Variants in BBS9 observed in about 807,000 individuals in gnomAD.
The protein encoded by BBS9 is protein PTHB1.
A neutral mutation model predicts 117.7 loss-of-function variants in BBS9; 89 were observed. The observed-to-expected ratio is 0.76, with a 90% confidence interval of 0.64 to 0.90. The LOEUF (loss-of-function observed/expected upper bound fraction) is 0.90. BBS9 is among the 40% of genes least tolerant of loss of function. The pLI is 0.00. For missense variants in BBS9, 982 were observed against 1,042.2 expected, an observed-to-expected ratio of 0.94 and a Z score of 0.80; for synonymous variants, 379 against 370.9, an observed-to-expected ratio of 1.02 and a Z score of -0.25.
At chr7:33,196,549 C>G (rs531374555) in intron 5 of BBS9, among the ~76,000 whole-genome samples, 4 of 152,236 alleles carry the variant, frequency 2.6e-5, no homozygotes, top group Admixed American at 6.5e-5. Context: ...TTTGATAGCC[C>G]TTGTCTCACC....
At chr7:33,176,981 G>T (rs2128161212) in intron 4 of BBS9, among the ~76,000 whole-genome samples, 1 of 152,268 alleles carries the variant, frequency 6.6e-6, no homozygotes, top group South Asian at 2.1e-4. Flanking sequence ...TTTACTTGTT[G>T]AGGGAAGCTT....
intron 1 of BBS9, among the ~76,000 whole-genome samples, chr7:33,135,212 C>T (rs1413557031): frequency 6.6e-6 from 1 of 152,116 alleles, no homozygotes. Context: ...TTTTATTGCT[C>T]ACGTTTCTGG....
chr7:33,527,615 G>T (rs572930815), intron 20 of BBS9, among the ~76,000 whole-genome samples: 4 of 152,274 alleles, frequency 2.6e-5, no homozygotes, highest in African/African-American at 7.2e-5. Flanking sequence ...CTCGCGCACG[G>T]TGCGCACACC....
At chr7:33,493,341 C>G (rs1005805229) in intron 19 of BBS9, among the ~76,000 whole-genome samples, 3 of 152,032 alleles carry the variant, frequency 2.0e-5, no homozygotes, top group Non-Finnish European at 4.4e-5. Context: ...CTCTTAAACA[C>G]ATGTATCCCC....
chr7:33,251,059 T>C (rs1332494580), intron 5 of BBS9, among the ~76,000 whole-genome samples: 1 of 151,996 alleles, frequency 6.6e-6, no homozygotes, highest in East Asian at 1.9e-4. Flanking sequence ...AGAGGAAAAA[T>C]GCGCTGATCT....
chr7:33,579,905 A>G (rs1859588531), intron 21 of BBS9, among the ~76,000 whole-genome samples: 1 of 152,204 alleles, frequency 6.6e-6, no homozygotes, highest in Non-Finnish European at 1.5e-5. Context: ...TACCTAGTAT[A>G]TTCTTCATGA....
chr7:33,262,943 T>C (rs1466332904), intron 6 of BBS9, among the ~76,000 whole-genome samples: 4 of 152,234 alleles, frequency 2.6e-5, no homozygotes, highest in African/African-American at 9.6e-5. Context: ...CAGGATACTC[T>C]GAGTTATACT....
chr7:33,448,923 T>C (rs1265431741), intron 19 of BBS9, among the ~76,000 whole-genome samples: 1 of 152,240 alleles, frequency 6.6e-6, no homozygotes, highest in Non-Finnish European at 1.5e-5. Flanking sequence ...TATTGACTCA[T>C]TTCCTCCCAG....
chr7:33,154,714 C>T (rs191973187), intron 3 of BBS9, among the ~76,000 whole-genome samples: 4 of 152,236 alleles, frequency 2.6e-5, no homozygotes, highest in Admixed American at 2.0e-4. Flanking sequence ...GATCCACCGC[C>T]CCCTCCCACC....
intron 5 of BBS9, among the ~76,000 whole-genome samples, chr7:33,223,216 G>A (rs778003969): frequency 9.9e-5 from 15 of 151,740 alleles, no homozygotes; most frequent in Non-Finnish European, 1.9e-4. Flanking sequence ...TGTATAACAG[G>A]ATGTATTGAT....
intron 16 of BBS9, among the ~76,000 whole-genome samples, chr7:33,363,132 T>C (rs995049366): frequency 1.3e-5 from 2 of 152,228 alleles, no homozygotes; most frequent in Non-Finnish European, 2.9e-5. Flanking sequence ...ATATGGAGTC[T>C]CACTCTGTTG....
intron 21 of BBS9, among the ~76,000 whole-genome samples, chr7:33,634,385 A>G (rs1285821239): frequency 1.3e-5 from 2 of 152,214 alleles, no homozygotes; most frequent in African/African-American, 4.8e-5. Flanking sequence ...TGGTCACACT[A>G]TTAAGCCCTC....
chr7:33,527,973 C>G (rs1378637294), intron 20 of BBS9, among the ~76,000 whole-genome samples: 1 of 152,102 alleles, frequency 6.6e-6, no homozygotes, highest in Non-Finnish European at 1.5e-5. Context: ...CTGGGGTTTA[C>G]AATAACCCAT....
At chr7:33,602,351 C>T (rs1863924000) in intron 21 of BBS9, among the ~76,000 whole-genome samples, 1 of 152,170 alleles carries the variant, frequency 6.6e-6, no homozygotes. Flanking sequence ...TGCCAGAGCC[C>T]ACCAACATTG....
intron 19 of BBS9, among the ~76,000 whole-genome samples, chr7:33,437,819 T>C (rs1324471517): frequency 6.6e-6 from 1 of 152,194 alleles, no homozygotes; most frequent in African/African-American, 2.4e-5. Flanking sequence ...GAGGTTGCAC[T>C]GAGCCAAGAT....
At chr7:33,534,439 A>G in intron 21 of BBS9, 1 of 518,794 alleles carries the variant, frequency 1.9e-6, no homozygotes, top group Non-Finnish European at 3.5e-6. Flanking sequence ...TTTTGCTTCT[A>G]ACTAATAAAA....
chr7:33,349,679 T>A (rs1322559494), intron 13 of BBS9, among the ~76,000 whole-genome samples: 9 of 152,148 alleles, frequency 5.9e-5, no homozygotes, highest in Admixed American at 5.2e-4. Context: ...AATTTGCCTA[T>A]CTCGGCCTCC....
intron 9 of BBS9, among the ~76,000 whole-genome samples, chr7:33,299,285 C>G (rs1021963011): frequency 6.6e-6 from 1 of 151,838 alleles, no homozygotes; most frequent in Non-Finnish European, 1.5e-5. Flanking sequence ...TTCAAATTAC[C>G]CTTATTTTTG....
At chr7:33,429,163 A>G (rs954709367) in intron 19 of BBS9, among the ~76,000 whole-genome samples, 1 of 152,050 alleles carries the variant, frequency 6.6e-6, no homozygotes, top group Admixed American at 6.6e-5. Flanking sequence ...ACACATTGGC[A>G]TATGTGTAGC....
Sources: allele counts gnomAD v4.1 joint callset (sites outside exome capture counted in the v4.1 genomes callset), GRCh38; gene constraint gnomAD v4.1.1; transcripts MANE v1.5; gene names NCBI Gene and HGNC (gene_info 2026-07-23, HGNC 2026-07-21).